CSMD1: variants seen among roughly 807,000 people sequenced by gnomAD.
The protein encoded by CSMD1 is CUB and Sushi multiple domains 1, also known as CUB and sushi domain-containing protein 1.
A neutral mutation model predicts 417.5 loss-of-function variants in CSMD1; 213 were observed. The observed-to-expected ratio is 0.51, with a 90% CI of 0.46 to 0.57. CSMD1 has a LOEUF of 0.57. Ranked by LOEUF, CSMD1 falls within the 20% of genes least tolerant of loss-of-function variation. The pLI is 0.00. For missense variants in CSMD1, 6,923 were observed against 4,529.7 expected (o/e 1.53, Z -15.17); for synonymous variants, 2,862 against 1,736.8 (o/e 1.65, Z -16.11).
At chr8:4,146,949 C>A (rs1383693265) in intron 3 of CSMD1, among the ~76,000 whole-genome samples, 1 of 144,194 alleles carries the variant, frequency 6.9e-6, no homozygotes, top group Non-Finnish European at 1.5e-5. Context: ...CTCACCTCAC[C>A]GGCATCAGGC....
intron 1 of CSMD1, among the ~76,000 whole-genome samples, chr8:4,960,575 C>A (rs1397145816): frequency 1.3e-5 from 2 of 152,148 alleles, no homozygotes; most frequent in Non-Finnish European, 2.9e-5. Flanking sequence ...AATCTTCATA[C>A]ACAATAGATA....
At chr8:4,664,961 G>A (rs958753857) in intron 1 of CSMD1, among the ~76,000 whole-genome samples, 2 of 152,128 alleles carry the variant, frequency 1.3e-5, no homozygotes, top group African/African-American at 2.4e-5. Flanking sequence ...TTGAAAAATT[G>A]TAGCATCTGA....
chr8:4,472,053 A>T (rs1348648697), intron 2 of CSMD1, among the ~76,000 whole-genome samples: 18 of 152,314 alleles, frequency 1.2e-4, no homozygotes. Flanking sequence ...ACTCAGATTT[A>T]ATGCTTAGCT....
intron 2 of CSMD1, among the ~76,000 whole-genome samples, chr8:4,534,874 T>C (rs1248030799): frequency 6.6e-6 from 1 of 152,292 alleles, no homozygotes; most frequent in East Asian, 1.9e-4. Context: ...GTCACTCTCC[T>C]GCCTCAGCCT....
intron 1 of CSMD1, among the ~76,000 whole-genome samples, chr8:4,702,734 G>C (rs1020143232): frequency 6.6e-6 from 1 of 152,092 alleles, no homozygotes; most frequent in African/African-American, 2.4e-5. Flanking sequence ...AGAGTTTCTT[G>C]TCTATTCTGT....
intron 2 of CSMD1, among the ~76,000 whole-genome samples, chr8:4,624,622 T>A (rs984878423): frequency 2.6e-5 from 4 of 152,168 alleles, no homozygotes. Context: ...ACGCCTCACA[T>A]TTTTGCCTGG....
intron 7 of CSMD1, among the ~76,000 whole-genome samples, chr8:3,694,551 G>A (rs952839214): frequency 1.3e-5 from 2 of 151,964 alleles, no homozygotes; most frequent in Non-Finnish European, 2.9e-5. Context: ...CCCAGGTTCA[G>A]GTTCAGTGGA....
chr8:4,451,607 G>A (rs990013151), intron 2 of CSMD1, among the ~76,000 whole-genome samples: 14 of 152,220 alleles, frequency 9.2e-5, no homozygotes, highest in African/African-American at 2.4e-4. Flanking sequence ...CATTTTAGAG[G>A]TTATATTCAA....
chr8:3,798,834 T>C (rs986929017), intron 5 of CSMD1, among the ~76,000 whole-genome samples: 3 of 152,024 alleles, frequency 2.0e-5, no homozygotes, highest in Admixed American at 6.6e-5. Flanking sequence ...TTTAGTAAAA[T>C]GTTGTATTTT....
At chr8:4,985,741 A>G (rs1230938530) in intron 1 of CSMD1, among the ~76,000 whole-genome samples, 1 of 152,184 alleles carries the variant, frequency 6.6e-6, no homozygotes, top group East Asian at 1.9e-4. Flanking sequence ...TATTGTTTCC[A>G]TGTAAAATGG....
rs554188309 is a variant in CSMD1, at chr8:3,192,296, C to T, written c.5195-2181G>A. Among the ~76,000 whole-genome samples, 19 of 152,184 alleles carry T rather than the reference C, an allele frequency of 1.2e-4. 1 individual carries two copies. Among genetic ancestry groups the T allele is most frequent in the East Asian group, 1.2e-3 (6 of 5,178 alleles). On this transcript the variant is annotated intron_variant, in intron 33 of 69. Coordinates refer to ENST00000635120, the MANE Select transcript of CSMD1 (RefSeq NM_033225.6). ...TAGGTCAAGGATCTCTTATCTGAAA[C>T]GTTTGGTGTTTCAGGTTTGGAATTC...
At chr8:3,230,409 T>G (rs188619242) in intron 26 of CSMD1, among the ~76,000 whole-genome samples, 178 bp from the exon 27 acceptor site, 1 of 152,334 alleles carries the variant, frequency 6.6e-6, no homozygotes, top group Admixed American at 6.5e-5. Context: ...ACATACATCT[T>G]CATTGTGCTT....
At position 3,824,639 on chromosome 8, in the gene CSMD1, T is replaced by G. The variant is rs149180681; in HGVS notation, c.819-70597A>C. Among the ~76,000 whole-genome samples, 172 of 152,324 alleles carry G rather than the reference T, an allele frequency of 1.1e-3. 1 individual carries two copies. Among genetic ancestry groups the G allele is most frequent in the South Asian group, 4.8e-3 (23 of 4,830 alleles). ...TATTAATGTTTTTCTACTGATTACA[T>G]GCTGAAATAGCATTTGTTATATATT... On this transcript the variant is annotated intron_variant, in intron 5 of 69. Coordinates refer to ENST00000635120, the MANE Select transcript of CSMD1 (RefSeq NM_033225.6).
At chr8:4,486,117 A>G (rs1234575685) in intron 2 of CSMD1, among the ~76,000 whole-genome samples, 1 of 70,512 alleles carries the variant, frequency 1.4e-5, no homozygotes, top group East Asian at 4.9e-4. Flanking sequence ...ATGTATATAT[A>G]CATACATATA....
intron 3 of CSMD1, among the ~76,000 whole-genome samples, chr8:4,314,222 G>C (rs1156594246): frequency 6.7e-6 from 1 of 149,398 alleles, no homozygotes. Context: ...CACGTTAATA[G>C]TTAAGTCACA....
intron 1 of CSMD1, among the ~76,000 whole-genome samples, chr8:4,742,160 A>G (rs1420113140): frequency 1.3e-5 from 2 of 150,832 alleles, no homozygotes; most frequent in Non-Finnish European, 3.0e-5. Flanking sequence ...CCTCCCGAGT[A>G]GCTGGGACTA....
At chr8:3,167,291 G>GAAAAAAAA (rs61026104) in intron 37 of CSMD1, among the ~76,000 whole-genome samples, 1 of 102,646 alleles carries the variant, frequency 9.7e-6, no homozygotes. Flanking sequence ...CTTGGAAAAA[G>GAAAAAAAA]AAAAAAAAAA....
rs376977067 is a variant in CSMD1 at position 4,112,699 on chromosome 8, T to G, written c.416-80600A>C. Among the ~76,000 whole-genome samples, 208 of 152,300 alleles carry G rather than the reference T, an allele frequency of 1.4e-3. 1 individual carries two copies. Among genetic ancestry groups the G allele is most frequent in the African/African-American group, 4.9e-3 (205 of 41,564 alleles). On this transcript the variant is annotated intron_variant, in intron 3 of 69. Coordinates refer to ENST00000635120, the MANE Select transcript of CSMD1 (RefSeq NM_033225.6). ...AGCCCCTATATTTATATATGAGGGT[T>G]TGCAAGTGATATGGAGATTTAATTA...
chr8:4,533,199 G>C (rs1249511530), intron 2 of CSMD1, among the ~76,000 whole-genome samples: 1 of 152,180 alleles, frequency 6.6e-6, no homozygotes, highest in Non-Finnish European at 1.5e-5. Context: ...TGTCATCGTA[G>C]TACTACATTT....
Sources: gnomAD v4.1 joint callset for allele counts (sites outside exome capture counted in the v4.1 genomes callset) on GRCh38, gnomAD v4.1.1 for gene constraint, MANE v1.5 for transcripts, NCBI Gene and HGNC (gene_info 2026-07-23, HGNC 2026-07-21) for gene names.